COP1: variants seen among roughly 807,000 people sequenced by gnomAD.
COP1 encodes E3 ubiquitin-protein ligase COP1.
Under a neutral mutation model 101.3 loss-of-function variants are expected in COP1, and 24 were observed. That is an observed-to-expected ratio of 0.24 (90% CI 0.17 to 0.33). The LOEUF (loss-of-function observed/expected upper bound fraction) is 0.33. Among genes scored for constraint, COP1 ranks in the 10% least tolerant of loss-of-function variants. The pLI is 1.00. For missense variants in COP1, 663 were observed against 906.2 expected, an observed-to-expected ratio of 0.73 and a Z score of 3.45; for synonymous variants, 347 against 341.9, an observed-to-expected ratio of 1.01 and a Z score of -0.17.
chr1:176,048,385 A>C (rs1421669660), intron 11 of COP1, among the ~76,000 whole-genome samples: 1 of 152,030 alleles, frequency 6.6e-6, no homozygotes, highest in Non-Finnish European at 1.5e-5. Context: ...TGACTAGGGC[A>C]CAATTCAGCA....
chr1:176,114,686 C>A (rs1685885520), intron 9 of COP1, among the ~76,000 whole-genome samples: 1 of 151,964 alleles, frequency 6.6e-6, no homozygotes, highest in South Asian at 2.1e-4. Context: ...CTCCTGGGTT[C>A]AAGGTATCCT....
At chr1:176,137,516 A>G (rs1018376285) in intron 6 of COP1, among the ~76,000 whole-genome samples, 1 of 152,164 alleles carries the variant, frequency 6.6e-6, no homozygotes, top group Non-Finnish European at 1.5e-5. Context: ...TATTGAACAC[A>G]TTTATAAATG....
chr1:176,162,304 T>C (rs1269154873), intron 5 of COP1, among the ~76,000 whole-genome samples: 1 of 150,584 alleles, frequency 6.6e-6, no homozygotes, highest in African/African-American at 2.5e-5. Flanking sequence ...GTGTTGCTTA[T>C]AATATATCAC....
intron 15 of COP1, among the ~76,000 whole-genome samples, chr1:175,992,273 T>C (rs1256718273): frequency 1.3e-5 from 2 of 152,190 alleles, no homozygotes; most frequent in African/African-American, 2.4e-5. Flanking sequence ...GGAGGCAAGA[T>C]GGCCAAATAG....
At position 175,944,928 on chromosome 1, in the gene COP1, A is replaced by T. The variant is rs546906688; in HGVS notation, c.*225T>A. The T allele has an allele frequency of 2.2e-6, 1 of 464,032 alleles. No homozygotes were observed. The highest frequency in any genetic ancestry group is 3.9e-6 in the Non-Finnish European group (1 of 258,018). 28.7% of individuals were successfully genotyped at this position (464,032 alleles called of 1,614,324 possible). ...TTAGATAACACCACCAAGAGCAGCA[A>T]TGTCCATGGAGTTACATTGATGGTG... is the stretch of plus-strand genomic sequence containing the variant. On this transcript the variant is annotated 3_prime_UTR_variant, in exon 20 of 20. Transcript: ENST00000367669.
chr1:176,057,187 T>C (rs1156910375), intron 11 of COP1, among the ~76,000 whole-genome samples: 1 of 152,262 alleles, frequency 6.6e-6, no homozygotes, highest in Non-Finnish European at 1.5e-5. Flanking sequence ...TATTGTCTAA[T>C]GCAGGTATAC....
At chr1:176,003,729 T>G (rs1404001491) in intron 15 of COP1, among the ~76,000 whole-genome samples, 1 of 151,936 alleles carries the variant, frequency 6.6e-6, no homozygotes, top group African/African-American at 2.4e-5. Flanking sequence ...TTGGTACCAG[T>G]ACCATGCTGT....
chr1:176,068,981 G>A (rs1676498336), intron 11 of COP1, among the ~76,000 whole-genome samples: 1 of 152,160 alleles, frequency 6.6e-6, no homozygotes, highest in Non-Finnish European at 1.5e-5. Context: ...GGGGCTGGAA[G>A]TTTGAGACTG....
At chr1:176,132,157 C>T (rs2149708335) in intron 8 of COP1, among the ~76,000 whole-genome samples, 1 of 151,884 alleles carries the variant, frequency 6.6e-6, no homozygotes, top group African/African-American at 2.4e-5. Flanking sequence ...CTTCCAATGT[C>T]AAGGGGTTGA....
intron 11 of COP1, 67 bp downstream of exon 11, chr1:176,081,085 G>C (rs1679051803): frequency 1.5e-6 from 2 of 1,333,938 alleles, no homozygotes; most frequent in Non-Finnish European, 2.1e-6. Context: ...TGGTATAAGT[G>C]CTTCTCAAAT....
intron 11 of COP1, among the ~76,000 whole-genome samples, chr1:176,071,169 T>C (rs1676936288): frequency 6.6e-6 from 1 of 152,294 alleles, no homozygotes; most frequent in Non-Finnish European, 1.5e-5. Flanking sequence ...GCTATCTTCA[T>C]GATAGTGAAT....
intron 8 of COP1, among the ~76,000 whole-genome samples, chr1:176,131,083 C>T (rs1007395942): frequency 6.6e-6 from 1 of 151,714 alleles, no homozygotes; most frequent in South Asian, 2.1e-4. Flanking sequence ...CAAAGATACC[C>T]TAACATTCTG....
rs1700967811 is a variant in COP1 at position 176,207,278 on chromosome 1, C to CGCGCGA, written c.-306_-301dup. On this transcript the variant is annotated 5_prime_UTR_variant, in exon 1 of 20. Coordinates refer to ENST00000367669, the MANE Select transcript of COP1 (RefSeq NM_022457.7). The stretch of plus-strand genomic sequence containing the variant: ...CGCGCCGTGGCCGGCCGTGCGCGCG[C>CGCGCGA]GCGCGAGCGGCGGAAGAGGCGGGCG... 1 of 387,322 alleles carries CGCGCGA rather than the reference C, an allele frequency of 2.6e-6. No homozygotes were observed. The highest frequency in any genetic ancestry group is 3.7e-5 in the East Asian group (1 of 27,208). The allele number at this position is 387,322 out of a possible 1,614,324, so 24.0% of individuals were successfully genotyped here. A position where few individuals can be genotyped will look rare whatever the true frequency, so the allele number is the denominator to read the frequency against.
rs778176211 is a variant in COP1 at position 176,081,247 on chromosome 1, T to C, written c.1182A>G (p.Glu394=). 1.2e-6 allele frequency: 2 copies of C among 1,609,248 alleles called. No homozygotes were observed. The highest frequency in any genetic ancestry group is 2.7e-5 in the African/African-American group (2 of 74,566). ...TATATCGAGTAAACTTGGACAAGCATTCCTGAAATTCATCCAACTGGCTTG... is the reference window on the plus strand; with the variant it reads ...TATATCGAGTAAACTTGGACAAGCACTCCTGAAATTCATCCAACTGGCTTG... ...RTASQLDEFQ[E]CLSKFTRYNS... Residue 394 remains glutamate (E), a synonymous_variant, in exon 11 of 20, where the codon GAA becomes GAG. Transcript: ENST00000367669.
chr1:176,065,112 A>C (rs957602676), intron 11 of COP1, among the ~76,000 whole-genome samples: 23 of 152,242 alleles, frequency 1.5e-4, no homozygotes, highest in African/African-American at 5.3e-4. Flanking sequence ...TCATTAATTT[A>C]ATGGCATTCA....
chr1:175,967,766 C>T (rs1031310589), intron 18 of COP1, among the ~76,000 whole-genome samples: 3 of 152,212 alleles, frequency 2.0e-5, no homozygotes, highest in Non-Finnish European at 4.4e-5. Context: ...AAAATCTTCA[C>T]GGAAGCTATC....
chr1:176,086,927 C>G (rs1034200467), intron 9 of COP1, among the ~76,000 whole-genome samples: 5 of 152,162 alleles, frequency 3.3e-5, no homozygotes, highest in African/African-American at 1.2e-4. Flanking sequence ...ACCAATCGAA[C>G]AGAACAGATG....
intron 15 of COP1, among the ~76,000 whole-genome samples, chr1:175,989,918 A>G (rs1037711610): frequency 6.6e-6 from 1 of 152,158 alleles, no homozygotes; most frequent in Non-Finnish European, 1.5e-5. Flanking sequence ...AATCAGTTTT[A>G]GAGTATTTCT....
chr1:176,046,720 T>C (rs1417244329), intron 11 of COP1, among the ~76,000 whole-genome samples: 2 of 152,092 alleles, frequency 1.3e-5, no homozygotes, highest in African/African-American at 4.8e-5. Flanking sequence ...CCCTGCCATT[T>C]TGTGGAGGTA....
Sources: gnomAD v4.1 joint callset for allele counts (sites outside exome capture counted in the v4.1 genomes callset) on GRCh38, gnomAD v4.1.1 for gene constraint, MANE v1.5 for transcripts, NCBI Gene and HGNC (gene_info 2026-07-23, HGNC 2026-07-21) for gene names.